The following C2 variants were observed in gnomAD, a reference collection of about 807,000 sequenced individuals.
The protein encoded by C2 is complement C2.
Under a neutral mutation model 85.2 loss-of-function variants are expected in C2, and 64 were observed. That is an observed-to-expected ratio of 0.75 (90% CI 0.61 to 0.92). C2 has a LOEUF of 0.92. Among genes scored for constraint, C2 ranks in the 40% least tolerant of loss-of-function variants. The pLI, the probability that C2 is intolerant of heterozygous loss-of-function variation, is 0.00. For synonymous variants in C2, 311 were observed against 370.8 expected (o/e 0.84, Z 1.85); for missense variants, 820 against 971.6 (o/e 0.84, Z 2.07).
intron 1 of C2, among the ~76,000 whole-genome samples, chr6:31,914,631 G>A (rs1399274830): frequency 1.3e-5 from 2 of 149,440 alleles, no homozygotes; most frequent in African/African-American, 2.5e-5. Context: ...ACAAGCAATC[G>A]GCCGGGCGCG....
chr6:31,939,716 G>A (rs1340081931), intron 9 of C2, among the ~76,000 whole-genome samples: 1 of 151,960 alleles, frequency 6.6e-6, no homozygotes. Flanking sequence ...GCTTCCCAAA[G>A]TGGTAGGATT....
intron 6 of C2, chr6:31,934,594 G>C (rs1342814627): frequency 2.1e-6 from 3 of 1,429,024 alleles, no homozygotes; most frequent in Non-Finnish European, 2.7e-6. Context: ...AAGGTAGTGA[G>C]ATAACCCACA....
chr6:31,901,488 G>C (rs764018260), intron 1 of C2, among the ~76,000 whole-genome samples: 1 of 151,904 alleles, frequency 6.6e-6, no homozygotes, highest in East Asian at 1.9e-4. Flanking sequence ...CTGTCCCTCT[G>C]AGAGGAGGGA....
intron 6 of C2, 96 bp downstream of exon 6, chr6:31,934,395 C>T (rs1449081358): frequency 6.6e-7 from 1 of 1,507,294 alleles, no homozygotes; most frequent in Non-Finnish European, 9.2e-7. Context: ...TCACAGCCCA[C>T]CTCCTCCAAG....
chr6:31,919,289 TGCCTGCCAACACACCCG>T (rs1004580669), upstream of C2, among the ~76,000 whole-genome samples: 4 of 151,970 alleles, frequency 2.6e-5, no homozygotes, highest in African/African-American at 4.8e-5. Flanking sequence ...GGGTGACAAG[TGCCTGCCAACACACCCG>T]GCTAATTTTT....
chr6:31,913,030 CAAAA>C (rs34465217), intron 1 of C2, among the ~76,000 whole-genome samples: 2 of 70,552 alleles, frequency 2.8e-5, no homozygotes, highest in Non-Finnish European at 2.8e-5. Flanking sequence ...CCTGTTTCCA[CAAAA>C]AAAAAAAAAA....
rs372278183 is a variant in C2, at chr6:31,943,184, C to T, written c.1361-41C>T. Reference sequence around the variant, plus strand: ...GTGTTGGGAACCTGGACACAGTGCCCCTCACTTGCCTCCTTCCCCATCTGA... The same window carrying T: ...GTGTTGGGAACCTGGACACAGTGCCTCTCACTTGCCTCCTTCCCCATCTGA... On this transcript the variant is annotated intron_variant, in intron 10 of 17. Coordinates refer to ENST00000299367, the MANE Select transcript of C2 (RefSeq NM_000063.6). This position sits in a 1 kb window ranked among gnomAD's most constrained non-coding sequence, Gnocchi z 6.4. 29 of 1,611,860 alleles carry T rather than the reference C, an allele frequency of 1.8e-5. No homozygotes were observed. The African/African-American group carries it at 3.7e-4, about 21-fold the overall frequency.
intron 5 of C2, 86 bp from the exon 6 acceptor site, chr6:31,934,080 G>T: frequency 6.4e-7 from 1 of 1,571,726 alleles, no homozygotes; most frequent in East Asian, 2.2e-5. Context: ...CCACTGAAAG[G>T]GAGGGAGGCA....
At chr6:31,923,591 C>T (rs1394237101), upstream of C2, among the ~76,000 whole-genome samples, 2 of 151,486 alleles carry the variant, frequency 1.3e-5, no homozygotes, top group African/African-American at 2.4e-5. Context: ...TCACGCCATT[C>T]GCCTGCCTCA....
chr6:31,940,648 T>C (rs1159857686), intron 9 of C2, among the ~76,000 whole-genome samples: 1 of 152,132 alleles, frequency 6.6e-6, no homozygotes, highest in Non-Finnish European at 1.5e-5. Flanking sequence ...GTAAGCTGAT[T>C]CCTCTTTAAA....
intron 8 of C2, 150 bp from the exon 9 acceptor site, chr6:31,939,081 G>C: frequency 2.8e-6 from 2 of 701,832 alleles, no homozygotes; most frequent in South Asian, 3.1e-5. Context: ...TTACAGGTGT[G>C]AGCCACCATG....
upstream of C2, among the ~76,000 whole-genome samples, chr6:31,915,863 C>T (rs745742332): frequency 2.0e-5 from 3 of 152,178 alleles, no homozygotes; most frequent in Admixed American, 2.0e-4. Flanking sequence ...AGGCAGAAAA[C>T]GGGAAAATTC....
At chr6:31,900,340 C>T, upstream of C2, 2 of 1,609,924 alleles carry the variant, frequency 1.2e-6, no homozygotes, top group East Asian at 2.2e-5. This position sits in a 1 kb window ranked among gnomAD's most constrained non-coding sequence, Gnocchi z 9.7. Context: ...CTGAGAAGCC[C>T]CCAGGCAGGG....
In C2 at chr6:31,904,764, T is replaced by A. The variant is rs1767608032; in HGVS notation, c.73+3625T>A. 6.6e-6 allele frequency among the ~76,000 whole-genome samples: 1 copy of A among 151,598 alleles called. No individual in the cohort carries two copies. Among genetic ancestry groups the A allele is most frequent in the African/African-American group, 2.4e-5 (1 of 41,142 alleles). ...AGAGTTTGTAAAATTTTGTTTCTTG[T>A]CCCTTTCTTGCTACTTTTCCTTTCT... On this transcript the variant is annotated intron_variant, in intron 1 of 3. Coordinates refer to the C2 transcript ENST00000452202. The surrounding 1 kb of genome is among the most constrained non-coding windows in gnomAD (Gnocchi z 4.4).
chr6:31,902,335 C>A (rs1249907461), intron 1 of C2, among the ~76,000 whole-genome samples: 1 of 151,946 alleles, frequency 6.6e-6, no homozygotes, highest in South Asian at 2.1e-4. Context: ...GGCCCGCCCC[C>A]CAATCCCGGC....
chr6:31,934,051 G>A lies in C2; in HGVS notation c.715+86G>A, dbSNP rs1445010576. 5.8e-6 allele frequency: 9 copies of A among 1,554,556 alleles called. No homozygotes were observed. In the African/African-American group the frequency reaches 8.1e-5, roughly 14 times the overall value. ...GAGGATGCAACCTTCCTGGAGGCCA[G>A]GAGCCTTGGTGGGCTCAGCCACTGA... On this transcript the variant is annotated intron_variant, in intron 5 of 17. Transcript: ENST00000299367.
At chr6:31,939,072 T>C (rs1770670570) in intron 8 of C2, among the ~76,000 whole-genome samples, 159 bp from the exon 9 acceptor site, 1 of 152,224 alleles carries the variant, frequency 6.6e-6, no homozygotes, top group Non-Finnish European at 1.5e-5. Context: ...GTGCTAGGAT[T>C]ACAGGTGTGA....
In C2 at chr6:31,943,186, T is replaced by G; in HGVS notation, c.1361-39T>G. On this transcript the variant is annotated intron_variant, in intron 10 of 17. Transcript: ENST00000299367. The surrounding 1 kb of genome is among the most constrained non-coding windows in gnomAD (Gnocchi z 6.4). The stretch of plus-strand genomic sequence containing the variant: ...GTTGGGAACCTGGACACAGTGCCCC[T>G]CACTTGCCTCCTTCCCCATCTGATC... 1 of 1,611,922 alleles carries G rather than the reference T, an allele frequency of 6.2e-7. No homozygotes were observed. Among genetic ancestry groups the G allele is most frequent in the Non-Finnish European group, 8.5e-7 (1 of 1,179,068 alleles).
chr6:31,914,590 C>CAA (rs531356471), intron 1 of C2, among the ~76,000 whole-genome samples: 1 of 118,010 alleles, frequency 8.5e-6, no homozygotes, highest in Non-Finnish European at 1.8e-5. Context: ...GACTCCGTCT[C>CAA]AAAAAAAAAA....
Sources: allele counts gnomAD v4.1 joint callset (sites outside exome capture counted in the v4.1 genomes callset), GRCh38; gene constraint gnomAD v4.1.1; non-coding constraint Gnocchi (gnomAD v3.1); transcripts MANE v1.5; gene names NCBI Gene and HGNC (gene_info 2026-07-23, HGNC 2026-07-21).